The following DLGAP2 variants were observed in gnomAD, a reference collection of about 807,000 sequenced individuals.
DLGAP2 encodes DLG associated protein 2.
DLGAP2 carries 26 observed loss-of-function variants against 100.3 expected under a neutral mutation model. That is an observed-to-expected ratio of 0.26 (90% CI 0.19 to 0.36). The LOEUF (loss-of-function observed/expected upper bound fraction) is 0.36, where lower values mean the gene tolerates loss of function less well. Among genes scored for constraint, DLGAP2 ranks in the 10% least tolerant of loss-of-function variants. The pLI is 1.00. For synonymous variants in DLGAP2, 886 were observed against 630.1 expected, an observed-to-expected ratio of 1.41 and a Z score of -6.08; for missense variants, 1,858 against 1,453.2, an observed-to-expected ratio of 1.28 and a Z score of -4.53.
chr8:936,330 G>A (rs1799070546), intron 2 of DLGAP2, among the ~76,000 whole-genome samples: 1 of 152,188 alleles, frequency 6.6e-6, no homozygotes, highest in South Asian at 2.1e-4. Context: ...AAAAAGCAAA[G>A]TGCAGGAACC....
At chr8:1,654,127 C>T (rs1036938244) in intron 8 of DLGAP2, among the ~76,000 whole-genome samples, 2 of 152,154 alleles carry the variant, frequency 1.3e-5, no homozygotes, top group Non-Finnish European at 2.9e-5. Context: ...GTAAAGATTT[C>T]ATTCTGATAC....
intron 2 of DLGAP2, among the ~76,000 whole-genome samples, chr8:1,133,538 CTG>C (rs1244807949): frequency 6.6e-6 from 1 of 152,108 alleles, no homozygotes; most frequent in Non-Finnish European, 1.5e-5. Flanking sequence ...ATTTCTGAAA[CTG>C]TGACTATTTT....
chr8:1,439,733 A>G (rs1451790211), intron 3 of DLGAP2, among the ~76,000 whole-genome samples: 1 of 151,896 alleles, frequency 6.6e-6, no homozygotes, highest in Admixed American at 6.6e-5. Flanking sequence ...GCTGCTTTGG[A>G]TGAGCCACAT....
At chr8:1,615,572 C>T (rs1797122869) in intron 6 of DLGAP2, among the ~76,000 whole-genome samples, 1 of 150,434 alleles carries the variant, frequency 6.6e-6, no homozygotes, top group Non-Finnish European at 1.5e-5. Context: ...ATCTTTAAAG[C>T]AGCCATTGTA....
chr8:913,886 T>TG (rs1798539358), intron 2 of DLGAP2, among the ~76,000 whole-genome samples: 1 of 152,174 alleles, frequency 6.6e-6, no homozygotes, highest in Non-Finnish European at 1.5e-5. Context: ...AGCCGAAAGA[T>TG]GGGGAGGCTG....
chr8:940,379 GGAGA>G (rs546213996), intron 2 of DLGAP2, among the ~76,000 whole-genome samples: 59 of 151,782 alleles, frequency 3.9e-4, no homozygotes, highest in African/African-American at 1.2e-3. Flanking sequence ...AGAGGGAGAG[GGAGA>G]GAGAGAGGGA....
chr8:1,326,278 C>T lies in DLGAP2; in HGVS notation c.106+67395C>T, dbSNP rs529329820. 2.0e-5 allele frequency among the ~76,000 whole-genome samples: 3 copies of T among 152,324 alleles called. No individual in the cohort carries two copies. The South Asian group carries it at 6.2e-4, about 32-fold the overall frequency. On this transcript the variant is annotated intron_variant, in intron 3 of 14. Coordinates refer to ENST00000637795, the MANE Select transcript of DLGAP2 (RefSeq NM_001346810.2). ...TGTATGCAGAATCAGTGAAATTAGACAATCTGTATTTCACTATTGCACATA... is the reference window on the plus strand; with the variant it reads ...TGTATGCAGAATCAGTGAAATTAGATAATCTGTATTTCACTATTGCACATA...
chr8:1,179,630 A>T (rs1277115441), intron 2 of DLGAP2, among the ~76,000 whole-genome samples: 1 of 152,234 alleles, frequency 6.6e-6, no homozygotes, highest in Non-Finnish European at 1.5e-5. Context: ...GTTTTAAATA[A>T]AGCTGTTTTT....
chr8:1,672,984 A>C (rs1377285803), intron 10 of DLGAP2, among the ~76,000 whole-genome samples: 1 of 152,234 alleles, frequency 6.6e-6, no homozygotes, highest in Non-Finnish European at 1.5e-5. Context: ...TTTTCTCAGC[A>C]GCCCTACAGA....
intron 3 of DLGAP2, among the ~76,000 whole-genome samples, chr8:1,360,893 G>A (rs768850287): frequency 7.2e-5 from 11 of 152,320 alleles, no homozygotes; most frequent in South Asian, 4.1e-4. Context: ...TGGCCCCACC[G>A]GACACGTGAA....
At chr8:945,250 C>T (rs957113033) in intron 2 of DLGAP2, among the ~76,000 whole-genome samples, 1 of 152,114 alleles carries the variant, frequency 6.6e-6, no homozygotes, top group Non-Finnish European at 1.5e-5. Context: ...GCTTCTGGTC[C>T]CCTTCCCTGC....
At chr8:1,250,275 A>C (rs900053078) in intron 2 of DLGAP2, 1 of 152,240 alleles carries the variant, frequency 6.6e-6, no homozygotes, top group African/African-American at 2.4e-5. Flanking sequence ...TGGCGAGCAG[A>C]GAGGCTGAGC....
intron 3 of DLGAP2, among the ~76,000 whole-genome samples, chr8:1,349,078 A>G (rs1418253726): frequency 6.6e-6 from 1 of 151,744 alleles, no homozygotes; most frequent in African/African-American, 2.4e-5. Context: ...AAGTCACCTC[A>G]GCAGTGTGCT....
chr8:1,372,193 C>T (rs1802255296), intron 3 of DLGAP2, among the ~76,000 whole-genome samples: 1 of 152,048 alleles, frequency 6.6e-6, no homozygotes, highest in Non-Finnish European at 1.5e-5. Flanking sequence ...CGCTGGGGCG[C>T]AGGTCACCGT....
intron 3 of DLGAP2, among the ~76,000 whole-genome samples, chr8:1,461,292 G>A (rs78571299): frequency 1.5e-4 from 8 of 53,546 alleles, no homozygotes; most frequent in East Asian, 1.6e-3. Context: ...TCGCTGATTC[G>A]GTGGCCAGGA....
At chr8:1,212,586 C>T (rs993916657) in intron 2 of DLGAP2, among the ~76,000 whole-genome samples, 4 of 151,980 alleles carry the variant, frequency 2.6e-5, no homozygotes, top group Non-Finnish European at 1.5e-5. Flanking sequence ...AAACTGCAGT[C>T]TAGAATGAGG....
chr8:745,782 A>G (rs764584642), intron 1 of DLGAP2, among the ~76,000 whole-genome samples: 2 of 152,242 alleles, frequency 1.3e-5, no homozygotes, highest in Non-Finnish European at 2.9e-5. Context: ...GAAGGTGTTC[A>G]TACCATATTA....
intron 4 of DLGAP2, among the ~76,000 whole-genome samples, chr8:1,530,757 C>G (rs1563204006): frequency 1.3e-5 from 2 of 152,256 alleles, no homozygotes; most frequent in African/African-American, 2.4e-5. Context: ...GCCAGTCCCT[C>G]CGTCTGGGGT....
intron 2 of DLGAP2, among the ~76,000 whole-genome samples, chr8:1,205,787 T>C (rs1206813919): frequency 1.3e-5 from 2 of 152,156 alleles, no homozygotes; most frequent in Non-Finnish European, 2.9e-5. Context: ...TGGAAATTCA[T>C]GGAGTCCTAG....
Sources: allele counts gnomAD v4.1 joint callset (sites outside exome capture counted in the v4.1 genomes callset), GRCh38; gene constraint gnomAD v4.1.1; transcripts MANE v1.5; gene names NCBI Gene and HGNC (gene_info 2026-07-23, HGNC 2026-07-21).